The following TYW1B variants were observed in gnomAD, a reference collection of about 807,000 sequenced individuals.
The protein encoded by TYW1B is S-adenosyl-L-methionine-dependent tRNA 4-demethylwyosine synthase TYW1B.
A neutral mutation model predicts 86.9 loss-of-function variants in TYW1B; 73 were observed. The ratio of observed to expected loss-of-function variants is 0.84; its 90% CI spans 0.70 to 1.02. TYW1B has a LOEUF of 1.02. TYW1B is among the 50% of genes least tolerant of loss of function. The probability of loss-of-function intolerance (pLI) is 0.00; values close to 1 mark genes in which losing one functional copy is unlikely to be tolerated. For missense variants in TYW1B, 637 were observed against 827.4 expected, an observed-to-expected ratio of 0.77 and a Z score of 2.82; for synonymous variants, 248 against 292.8, an observed-to-expected ratio of 0.85 and a Z score of 1.56.
At position 72,616,667 on chromosome 7, in the gene TYW1B, C is replaced by T. The variant is rs1183694812; in HGVS notation, c.1785+5G>A. ...CAGAAGATTCCATGTTTGAGTTATT[C>T]TTACCTTTCTGTGTGCTATCAGGAG... On this transcript the variant is annotated splice_donor_5th_base_variant and intron_variant, in intron 13 of 13. Coordinates refer to ENST00000620995, the MANE Select transcript of TYW1B (RefSeq NM_001145440.3). 22 of 1,613,932 alleles carry T rather than the reference C, an allele frequency of 1.4e-5. 1 individual carries two copies. The East Asian group carries it at 1.6e-4, about 11-fold the overall frequency.
At position 72,683,160 on chromosome 7, in the gene TYW1B, G is replaced by A. The variant is rs188451457; in HGVS notation, c.1506+11527C>T. ...ACTCCAGCCAGCGCCGGCCTTCCAT[G>A]TAAGAAAAGGGAAATAGCCAACTGC... On this transcript the variant is annotated intron_variant, in intron 11 of 13. Coordinates refer to ENST00000620995, the MANE Select transcript of TYW1B (RefSeq NM_001145440.3). Among the ~76,000 whole-genome samples the A allele has an allele frequency of 2.0e-3, 301 of 152,270 alleles. 1 individual carries two copies. Among genetic ancestry groups the A allele is most frequent in the Non-Finnish European group, 3.5e-3 (236 of 68,030 alleles).
intron 11 of TYW1B, among the ~76,000 whole-genome samples, chr7:72,678,726 G>T (rs34907621): frequency 6.9e-6 from 1 of 145,274 alleles, no homozygotes; most frequent in Non-Finnish European, 1.5e-5. Context: ...ATTTTTAGTA[G>T]AGACGGGGTT....
chr7:72,718,543 T>C (rs553992119), intron 9 of TYW1B, among the ~76,000 whole-genome samples: 2 of 151,916 alleles, frequency 1.3e-5, no homozygotes, highest in South Asian at 2.1e-4. Flanking sequence ...ATGAGAACAA[T>C]CTAAGCATGA....
Position 72,807,152 on chromosome 7 carries a change from C to T in TYW1B, c.637G>A (p.Gly213Ser). The change falls in exon 5 of 14, where the codon GGC becomes AGC. Residue 213 changes from glycine to serine, a missense_variant. Transcript: ENST00000620995. ...KKSCGGHCKK[G>S]KCESHQHGSE... ...CCATGTTGGTGAGATTCACATTTGC[C>T]TTTCTTGCAGTGGCCGCCACAGGAC... is the stretch of plus-strand genomic sequence containing the variant. The T allele has an allele frequency of 1.2e-6, 2 of 1,614,104 alleles. No homozygotes were observed. The highest frequency in any genetic ancestry group is 8.5e-7 in the Non-Finnish European group (1 of 1,180,008).
intron 11 of TYW1B, among the ~76,000 whole-genome samples, chr7:72,665,223 C>T (rs1346451632): frequency 6.6e-6 from 1 of 152,220 alleles, no homozygotes; most frequent in Non-Finnish European, 1.5e-5. Flanking sequence ...CCTTCTTGTA[C>T]ACATCTTTGT....
intron 13 of TYW1B, among the ~76,000 whole-genome samples, chr7:72,577,011 C>T (rs1180610673): frequency 3.3e-5 from 5 of 151,926 alleles, no homozygotes; most frequent in African/African-American, 9.7e-5. Flanking sequence ...CATGTAATCC[C>T]AGCTACTTGG....
At chr7:72,606,341 G>T (rs1179633544) in intron 13 of TYW1B, among the ~76,000 whole-genome samples, 1 of 152,162 alleles carries the variant, frequency 6.6e-6, no homozygotes, top group Non-Finnish European at 1.5e-5. Context: ...AGCAAACACT[G>T]AGTGGGGAAC....
At chr7:72,688,360 C>T (rs1814059935) in intron 11 of TYW1B, among the ~76,000 whole-genome samples, 1 of 152,144 alleles carries the variant, frequency 6.6e-6, no homozygotes, top group South Asian at 2.1e-4. Flanking sequence ...TCCCCATTTC[C>T]ATCTTTCCCA....
At chr7:72,738,445 T>C (rs1554461419) in intron 8 of TYW1B, among the ~76,000 whole-genome samples, 8 of 152,184 alleles carry the variant, frequency 5.3e-5, no homozygotes. Flanking sequence ...ATAGTGACTG[T>C]AGACCATGGC....
chr7:72,632,298 T>C (rs1445713459), intron 11 of TYW1B, among the ~76,000 whole-genome samples: 3 of 67,366 alleles, frequency 4.5e-5, no homozygotes, highest in East Asian at 6.3e-4. Flanking sequence ...TATATATATA[T>C]ACGTGTATAT....
At chr7:72,599,895 C>G (rs1339363632) in intron 13 of TYW1B, among the ~76,000 whole-genome samples, 6 of 151,846 alleles carry the variant, frequency 4.0e-5, no homozygotes, top group African/African-American at 1.2e-4. Flanking sequence ...CAGTAAATGG[C>G]AGGATATTCC....
In TYW1B at chr7:72,713,800, T is replaced by A. The variant is rs782669207; in HGVS notation, c.1193-2A>T. On this transcript the variant is annotated splice_acceptor_variant, in intron 9 of 13. Transcript: ENST00000620995. LOFTEE classifies it high-confidence loss of function. ...GTTCTGCTTTGACGCCCGGTACTCC[T>A]GGAGAATACAGTGAGAAGGACCCAG... 1 of 1,567,748 alleles carries A rather than the reference T, an allele frequency of 6.4e-7. No individual in the cohort carries two copies. The highest frequency in any genetic ancestry group is 8.7e-7 in the Non-Finnish European group (1 of 1,153,702).
rs371352397 is a variant in TYW1B at position 72,629,023 on chromosome 7, G to T, written c.1507-26C>A. The stretch of plus-strand genomic sequence containing the variant: ...CTAAAACAAAGGAAAAGCCAACTTC[G>T]TTGTTATCTTGGTGGATGTCACCTC... On this transcript the variant is annotated intron_variant, in intron 11 of 13. Transcript: ENST00000620995. 3 of 1,572,878 alleles carry T rather than the reference G, an allele frequency of 1.9e-6. No individual in the cohort carries two copies. The Admixed American group carries it at 5.5e-5, about 29-fold the overall frequency.
chr7:72,658,426 TTTG>T (rs1813256489), intron 11 of TYW1B, among the ~76,000 whole-genome samples: 1 of 152,174 alleles, frequency 6.6e-6, no homozygotes, highest in African/African-American at 2.4e-5. Flanking sequence ...CACGATCCAA[TTTG>T]TACTTTAAAA....
chr7:72,670,511 C>T (rs1813573183), intron 11 of TYW1B, among the ~76,000 whole-genome samples: 1 of 152,124 alleles, frequency 6.6e-6, no homozygotes, highest in African/African-American at 2.4e-5. Context: ...TCATTTAATT[C>T]CAATTAGGAA....
At position 72,723,219 on chromosome 7, in the gene TYW1B, C is replaced by T. The variant is rs568156216; in HGVS notation, c.1192+5603G>A. ...CTCACTTCCCCTCCTTCCCTTTCCC[C>T]TGGTCCCCTGTCCCTGGGGTTATTT... On this transcript the variant is annotated intron_variant, in intron 9 of 13. Coordinates refer to ENST00000620995, the MANE Select transcript of TYW1B (RefSeq NM_001145440.3). 1.1e-5 allele frequency: 4 copies of T among 360,058 alleles called. No homozygotes were observed. The South Asian group carries it at 5.1e-4, about 46-fold the overall frequency. 22.3% of individuals were successfully genotyped at this position (360,058 alleles called of 1,614,324 possible).
In TYW1B at chr7:72,591,559, T is replaced by C. The variant is rs182194116; in HGVS notation, c.1786-15840A>G. On this transcript the variant is annotated intron_variant, in intron 13 of 13. Coordinates refer to ENST00000620995, the MANE Select transcript of TYW1B (RefSeq NM_001145440.3). ...GTTTAAAGTGCTGAAAGAAAAAAAA[T>C]GTCAACCAGGAATCCTATACTGGCA... Among the ~76,000 whole-genome samples, 672 of 152,102 alleles carry C rather than the reference T, an allele frequency of 4.4e-3. 3 individuals carry two copies. Among genetic ancestry groups the C allele is most frequent in the African/African-American group, 0.015 (616 of 41,492 alleles).
rs74951407 is a variant in TYW1B, at chr7:72,756,687, C to T, written c.965-12086G>A. On this transcript the variant is annotated intron_variant, in intron 7 of 13. Transcript: ENST00000620995. ...AACTGAGTTACTGGTAGCCTGCGGT[C>T]GCTCAGCTCCTGGAGATACAGCCAC... 2.6e-3 allele frequency among the ~76,000 whole-genome samples: 395 copies of T among 152,190 alleles called. 4 individuals are homozygous for T. The highest frequency in any genetic ancestry group is 9.2e-3 in the African/African-American group (384 of 41,536).
intron 10 of TYW1B, among the ~76,000 whole-genome samples, chr7:72,703,317 C>A (rs1814535872): frequency 6.6e-6 from 1 of 151,710 alleles, no homozygotes; most frequent in African/African-American, 2.4e-5. Flanking sequence ...AGCCACCGCA[C>A]CCAGCTTATC....
Sources: allele counts gnomAD v4.1 joint callset (sites outside exome capture counted in the v4.1 genomes callset), GRCh38; gene constraint gnomAD v4.1.1; transcripts MANE v1.5; gene names NCBI Gene and HGNC (gene_info 2026-07-23, HGNC 2026-07-21).